Variants in WDR31 observed in about 807,000 individuals in gnomAD.
WDR31 encodes WD repeat domain 31, also known as WD repeat-containing protein 31.
In WDR31, 30 loss-of-function variants were observed where a neutral mutation model predicts 47.3. The observed-to-expected ratio is 0.63, with a 90% confidence interval of 0.47 to 0.86. The LOEUF (loss-of-function observed/expected upper bound fraction) is 0.86, where lower values mean the gene tolerates loss of function less well. Ranked by LOEUF, WDR31 falls within the 40% of genes least tolerant of loss-of-function variation. WDR31 has a pLI of 0.00. For synonymous variants in WDR31, 137 were observed against 159.4 expected, an observed-to-expected ratio of 0.86 and a Z score of 1.06; for missense variants, 406 against 442.9, an observed-to-expected ratio of 0.92 and a Z score of 0.75.
At position 113,322,801 on chromosome 9, in the gene WDR31, G is replaced by T; in HGVS notation, c.570+10C>A. On this transcript the variant is annotated intron_variant, in intron 7 of 10. Transcript: ENST00000374193. Reference sequence around the variant, plus strand: ...TGCTGCCCTGTTCTGTACCAAGTTTGAGTTCATACCACGTTCCTGGAGACA... The same window carrying T: ...TGCTGCCCTGTTCTGTACCAAGTTTTAGTTCATACCACGTTCCTGGAGACA... The T allele has an allele frequency of 6.2e-7, 1 of 1,613,686 alleles. No individual in the cohort carries two copies. The highest frequency in any genetic ancestry group is 8.5e-7 in the Non-Finnish European group (1 of 1,179,788).
In WDR31 at chr9:113,320,488, T is replaced by C; in HGVS notation, c.649A>G (p.Ser217Gly). Residue 217 changes from serine to glycine, a missense_variant, in exon 9 of 11, where the codon AGT becomes GGT. Ser to Gly is a moderately conservative substitution (Grantham distance 56). Coordinates refer to ENST00000374193, the MANE Select transcript of WDR31 (RefSeq NM_001012361.4). Reference sequence around the variant, plus strand: ...ATATGAGCTACCTGCAGCCCCCGACTGTCCCATAATCTGAAAGAGATTAGG... The same window carrying C: ...ATATGAGCTACCTGCAGCCCCCGACCGTCCCATAATCTGAAAGAGATTAGG... ...SEDKTLRLWD[S>G]RGLQVAHMFP... The C allele has an allele frequency of 6.2e-7, 1 of 1,613,846 alleles. No homozygotes were observed. Among genetic ancestry groups the C allele is most frequent in the Non-Finnish European group, 8.5e-7 (1 of 1,179,840 alleles).
intron 1 of WDR31, among the ~76,000 whole-genome samples, chr9:113,337,011 A>C (rs1454285575): frequency 2.0e-5 from 3 of 152,270 alleles, no homozygotes; most frequent in African/African-American, 7.2e-5. Flanking sequence ...ATTGCATTTT[A>C]ATAACTCAAT....
chr9:113,331,960 A>C lies in WDR31; in HGVS notation c.63T>G (p.Cys21Trp). 1 of 1,614,058 alleles carries C rather than the reference A, an allele frequency of 6.2e-7. No individual in the cohort carries two copies. The highest frequency in any genetic ancestry group is 8.5e-7 in the Non-Finnish European group (1 of 1,179,912). ...APPQKVSFRF[C>W]VVMGKQQSKL... ...TGCTTTGCTGTTTCCCCATCACGAC[A>C]CAAAACCTAAACGAAACCTTCTGTG... The change falls in exon 3 of 11, where the codon TGT becomes TGG. Residue 21 changes from cysteine to tryptophan, a missense_variant. Coordinates refer to ENST00000374193, the MANE Select transcript of WDR31 (RefSeq NM_001012361.4).
chr9:113,338,791 T>G (rs1291494919), intron 1 of WDR31, among the ~76,000 whole-genome samples: 1 of 152,114 alleles, frequency 6.6e-6, no homozygotes, highest in Non-Finnish European at 1.5e-5. Flanking sequence ...GCTAATTTTG[T>G]GTTTTTAGTA....
At chr9:113,322,751 C>A in intron 7 of WDR31, 60 bp downstream of exon 7, 1 of 1,555,672 alleles carries the variant, frequency 6.4e-7, no homozygotes, top group Non-Finnish European at 8.8e-7. Context: ...TCTCCCGAGC[C>A]TTTCCTTCAC....
At position 113,332,074 on chromosome 9, in the gene WDR31, A is replaced by G. The variant is rs778931368; in HGVS notation, c.-28-24T>C. The G allele has an allele frequency of 2.0e-5, 31 of 1,513,544 alleles. No homozygotes were observed. The East Asian group carries it at 6.6e-4, about 32-fold the overall frequency. The allele number at this position is 1,513,544 out of a possible 1,614,324, so 93.8% of individuals were successfully genotyped here. A position where few individuals can be genotyped will look rare whatever the true frequency, so the allele number is the denominator to read the frequency against. The stretch of plus-strand genomic sequence containing the variant: ...CCCTGTTTAATAAAAAGAAGAATAC[A>G]TGTTGTTAATTTTGTTAGGCACAAT... On this transcript the variant is annotated intron_variant, in intron 2 of 10. Coordinates refer to ENST00000374193, the MANE Select transcript of WDR31 (RefSeq NM_001012361.4).
chr9:113,317,187 C>T (rs1413596078), intron 10 of WDR31, among the ~76,000 whole-genome samples: 1 of 152,084 alleles, frequency 6.6e-6, no homozygotes, highest in Non-Finnish European at 1.5e-5. Context: ...TACAAAGGTG[C>T]CCTCAGTCAC....
At chr9:113,335,700 G>C (rs1833702104) in intron 2 of WDR31, among the ~76,000 whole-genome samples, 1 of 152,150 alleles carries the variant, frequency 6.6e-6, no homozygotes, top group Admixed American at 6.5e-5. Context: ...CAATGCAATG[G>C]AAACAATGTG....
chr9:113,332,979 G>A (rs1833631159), intron 2 of WDR31, among the ~76,000 whole-genome samples: 1 of 152,162 alleles, frequency 6.6e-6, no homozygotes, highest in African/African-American at 2.4e-5. Flanking sequence ...TACTGCCACG[G>A]TGGAAGCTTC....
chr9:113,324,113 A>G (rs561496661), intron 5 of WDR31, among the ~76,000 whole-genome samples: 2 of 152,244 alleles, frequency 1.3e-5, no homozygotes, highest in East Asian at 3.9e-4. Context: ...CAACAAGTAC[A>G]TTCATTGTTG....
rs572327268 is a variant in WDR31 at position 113,340,201 on chromosome 9, C to G, written c.-182+16G>C. The G allele has an allele frequency of 6.6e-6, 1 of 152,326 alleles. No individual in the cohort carries two copies. The highest frequency in any genetic ancestry group is 2.4e-5 in the African/African-American group (1 of 41,464). The allele number at this position is 152,326 out of a possible 1,614,324, so 9.4% of individuals were successfully genotyped here. A position where few individuals can be genotyped will look rare whatever the true frequency, so the allele number is the denominator to read the frequency against. On this transcript the variant is annotated intron_variant, in intron 1 of 10. Transcript: ENST00000374193. ...GCCGCTATGCCCCTTTCTCCCACCT[C>G]AGGCTCAGTACCCACCGGTGGGCTG...
chr9:113,340,261 C>G lies in WDR31; in HGVS notation c.-226G>C, dbSNP rs905873019. On this transcript the variant is annotated 5_prime_UTR_variant, in exon 1 of 11. Transcript: ENST00000374193. Reference sequence around the variant, plus strand: ...AGCTGGGGCCGGCGGGAACGCGGAGCCTGGGGGTGGGAACAGCCTCCGAGC... The same window carrying G: ...AGCTGGGGCCGGCGGGAACGCGGAGGCTGGGGGTGGGAACAGCCTCCGAGC... 6.6e-6 allele frequency: 1 copy of G among 152,254 alleles called. No individual in the cohort carries two copies. The highest frequency in any genetic ancestry group is 2.1e-4 in the South Asian group (1 of 4,834). 9.4% of individuals were successfully genotyped at this position (152,254 alleles called of 1,614,324 possible).
At position 113,323,109 on chromosome 9, in the gene WDR31, T is replaced by C. The variant is rs757077114; in HGVS notation, c.371A>G (p.Asp124Gly). Residue 124 changes from aspartate (D) to glycine (G), a missense_variant, in exon 6 of 11, where the codon GAC (aspartate) becomes GGC (glycine). Physicochemically the swap from Asp to Gly is moderately conservative, Grantham distance 94 (BLOSUM62 -1). Transcript: ENST00000374193. Reference protein sequence around the residue: ...KSSQFFSASRDRMVMMWDLHG... With the variant: ...KSSQFFSASRGRMVMMWDLHG... ...CAAGTCCCACATCATGACCATCCTG[T>C]CACGAGAGGCACTGAAGAACTGGCT... The C allele has an allele frequency of 1.4e-4, 228 of 1,614,018 alleles. 1 individual carries two copies. Among genetic ancestry groups the C allele is most frequent in the Admixed American group, 1.3e-4 (8 of 59,988 alleles).
chr9:113,327,142 A>AT (rs1206996055), intron 5 of WDR31, among the ~76,000 whole-genome samples: 2 of 151,998 alleles, frequency 1.3e-5, no homozygotes, highest in African/African-American at 4.8e-5. Flanking sequence ...GGCTTGTCTT[A>AT]TTTTTTCAAT....
chr9:113,337,169 G>T (rs1833730493), intron 1 of WDR31, among the ~76,000 whole-genome samples: 1 of 152,140 alleles, frequency 6.6e-6, no homozygotes, highest in Non-Finnish European at 1.5e-5. Flanking sequence ...TAGCTCAACT[G>T]TGGCCTTGGG....
rs1833328119 is a variant in WDR31 at position 113,321,546 on chromosome 9, T to C, written c.603A>G (p.Pro201=). Residue 201 remains proline (P), a synonymous_variant, in exon 8 of 11, where the codon CCA becomes CCG. Coordinates refer to ENST00000374193, the MANE Select transcript of WDR31 (RefSeq NM_001012361.4). ...VTHLCWVPRE[P]YILQTSEDKT... The stretch of plus-strand genomic sequence containing the variant: ...TATCTTCAGAGGTCTGTAGTATGTA[T>C]GGTTCTCTGGGGACCCAGCACAGGT... 1.2e-6 allele frequency: 2 copies of C among 1,614,092 alleles called. No individual in the cohort carries two copies. Among genetic ancestry groups the C allele is most frequent in the Admixed American group, 1.7e-5 (1 of 60,010 alleles).
rs567243892 is a variant in WDR31 at position 113,325,225 on chromosome 9, G to C, written c.325-2070C>G. Among the ~76,000 whole-genome samples the C allele has an allele frequency of 1.2e-4, 18 of 152,192 alleles. No individual in the cohort carries two copies. The South Asian group carries it at 3.5e-3, about 30-fold the overall frequency. On this transcript the variant is annotated intron_variant, in intron 5 of 10. Coordinates refer to ENST00000374193, the MANE Select transcript of WDR31 (RefSeq NM_001012361.4). ...CCGCCTTGGCCTCCTAAACTGCTGG[G>C]ATTACAGGCATGAGCCATCGTGCCC...
intron 9 of WDR31, 89 bp downstream of exon 9, chr9:113,320,268 C>G: frequency 6.6e-7 from 1 of 1,508,626 alleles, no homozygotes; most frequent in Non-Finnish European, 8.9e-7. Flanking sequence ...TAGCAAAGCC[C>G]GCCTGTGTAG....
chr9:113,334,381 T>C (rs1446865936), intron 2 of WDR31, among the ~76,000 whole-genome samples: 3 of 152,194 alleles, frequency 2.0e-5, no homozygotes, highest in African/African-American at 7.2e-5. Context: ...CATAAAGCAA[T>C]ACCACTTCTT....
Sources: allele counts gnomAD v4.1 joint callset (sites outside exome capture counted in the v4.1 genomes callset), GRCh38; gene constraint gnomAD v4.1.1; transcripts MANE v1.5; gene names NCBI Gene and HGNC (gene_info 2026-07-23, HGNC 2026-07-21).